The following PTPRD variants were observed in gnomAD, a reference collection of about 807,000 sequenced individuals.
The protein encoded by PTPRD is receptor-type tyrosine-protein phosphatase delta.
PTPRD carries 34 observed loss-of-function variants against 214.5 expected under a neutral mutation model. That is an observed-to-expected ratio of 0.16 (90% CI 0.12 to 0.21). The LOEUF (loss-of-function observed/expected upper bound fraction) is 0.21, where lower values mean the gene tolerates loss of function less well. PTPRD is among the 10% of genes least tolerant of loss of function. The pLI, the probability that PTPRD is intolerant of heterozygous loss-of-function variation, is 1.00. For missense variants in PTPRD, 2,545 were observed against 2,398.7 expected (o/e 1.06, Z -1.27); for synonymous variants, 1,128 against 845.7 (o/e 1.33, Z -5.79).
intron 8 of PTPRD, among the ~76,000 whole-genome samples, chr9:9,418,189 G>A (rs2077544973): frequency 6.6e-6 from 1 of 151,990 alleles, no homozygotes; most frequent in Non-Finnish European, 1.5e-5. Context: ...CTGGGTGCCT[G>A]GCAAAGTGTT....
intron 2 of PTPRD, among the ~76,000 whole-genome samples, chr9:10,467,999 C>A (rs898381421): frequency 9.9e-5 from 15 of 152,076 alleles, no homozygotes; most frequent in African/African-American, 3.4e-4. Flanking sequence ...AGTCAGGAAA[C>A]AACAGAGGCT....
chr9:8,886,226 T>A (rs1305667263), intron 11 of PTPRD, among the ~76,000 whole-genome samples: 3 of 152,282 alleles, frequency 2.0e-5, no homozygotes, highest in Non-Finnish European at 2.9e-5. Context: ...TTCATACAGA[T>A]GTTCAGTGTC....
chr9:9,677,810 C>T (rs972053279), intron 7 of PTPRD, among the ~76,000 whole-genome samples: 13 of 152,030 alleles, frequency 8.6e-5, no homozygotes, highest in African/African-American at 2.9e-4. Context: ...GATTGTATAT[C>T]TAGAAAACCC....
At chr9:10,186,943 G>T (rs954327263) in intron 3 of PTPRD, among the ~76,000 whole-genome samples, 1 of 152,114 alleles carries the variant, frequency 6.6e-6, no homozygotes, top group Admixed American at 6.5e-5. Context: ...CTTGAGAGCA[G>T]TAACAGTCCT....
intron 5 of PTPRD, among the ~76,000 whole-genome samples, chr9:9,828,101 C>T (rs1431634078): frequency 6.6e-6 from 1 of 152,098 alleles, no homozygotes; most frequent in African/African-American, 2.4e-5. Context: ...TGTGGCGATT[C>T]CTCAGGGATC....
At chr9:8,949,368 A>C (rs1290311351) in intron 11 of PTPRD, among the ~76,000 whole-genome samples, 1 of 152,170 alleles carries the variant, frequency 6.6e-6, no homozygotes, top group African/African-American at 2.4e-5. Context: ...ACCTAAAAAT[A>C]ACTTCCTTTC....
chr9:10,211,421 T>C (rs1457180857), intron 3 of PTPRD, among the ~76,000 whole-genome samples: 1 of 152,148 alleles, frequency 6.6e-6, no homozygotes, highest in Non-Finnish European at 1.5e-5. Context: ...ATGGTCACCT[T>C]GCACTAATCT....
intron 4 of PTPRD, among the ~76,000 whole-genome samples, chr9:9,969,236 T>C (rs768080816): frequency 2.5e-4 from 38 of 152,086 alleles, no homozygotes; most frequent in Non-Finnish European, 4.1e-4. Flanking sequence ...AGAAAAAGGC[T>C]AGGGTGGCTG....
At chr9:8,700,316 G>A (rs1316534633) in intron 12 of PTPRD, among the ~76,000 whole-genome samples, 1 of 152,154 alleles carries the variant, frequency 6.6e-6, no homozygotes, top group African/African-American at 2.4e-5. Context: ...ACTAAGAAGA[G>A]TAGTCAGCAT....
At chr9:10,363,596 C>T (rs1236088080) in intron 2 of PTPRD, among the ~76,000 whole-genome samples, 1 of 152,106 alleles carries the variant, frequency 6.6e-6, no homozygotes, top group Non-Finnish European at 1.5e-5. Flanking sequence ...GGATTAAACA[C>T]AAATCAACAC....
At chr9:9,279,347 T>C (rs1316812017) in intron 9 of PTPRD, among the ~76,000 whole-genome samples, 1 of 147,658 alleles carries the variant, frequency 6.8e-6, no homozygotes, top group African/African-American at 2.5e-5. Context: ...TAAATTTATA[T>C]ATATATATAT....
At chr9:9,680,856 A>T (rs1434456394) in intron 7 of PTPRD, among the ~76,000 whole-genome samples, 1 of 151,788 alleles carries the variant, frequency 6.6e-6, no homozygotes, top group Non-Finnish European at 1.5e-5. Context: ...GGGTGAGCTG[A>T]AGGAGCACAT....
At chr9:8,842,346 C>G (rs1331971408) in intron 11 of PTPRD, among the ~76,000 whole-genome samples, 1 of 149,914 alleles carries the variant, frequency 6.7e-6, no homozygotes, top group African/African-American at 2.5e-5. Flanking sequence ...TATTTTTTTT[C>G]TGTTTCTAAA....
Position 8,721,263 on chromosome 9 carries a change from C to G in PTPRD, c.64+12517G>C, listed in dbSNP as rs559048437. On this transcript the variant is annotated intron_variant, in intron 12 of 45. Transcript: ENST00000381196. ...GCCCAACATGGCAAAAACCCCATCC[C>G]TACTAATAATGCAAAAATTAGTCAG... is the stretch of plus-strand genomic sequence containing the variant. 2.9e-3 allele frequency among the ~76,000 whole-genome samples: 443 copies of G among 151,720 alleles called. 5 individuals carry two copies. Among genetic ancestry groups the G allele is most frequent in the African/African-American group, 0.01 (428 of 41,394 alleles).
chr9:10,462,921 G>A (rs2098968933), intron 2 of PTPRD, among the ~76,000 whole-genome samples: 1 of 149,886 alleles, frequency 6.7e-6, no homozygotes, highest in Middle Eastern at 3.3e-3. Context: ...AAAATTATTT[G>A]AAAAGAGAAC....
intron 3 of PTPRD, among the ~76,000 whole-genome samples, chr9:10,269,068 A>C (rs930730061): frequency 1.3e-5 from 2 of 152,142 alleles, no homozygotes; most frequent in Non-Finnish European, 2.9e-5. Flanking sequence ...TTTAAGAGGA[A>C]ACTAAAAGTT....
intron 11 of PTPRD, among the ~76,000 whole-genome samples, chr9:8,934,130 A>C (rs568122479): frequency 2.6e-5 from 4 of 152,012 alleles, no homozygotes; most frequent in Admixed American, 2.0e-4. Flanking sequence ...TGAACTGATA[A>C]GAGAGAAAGA....
intron 12 of PTPRD, among the ~76,000 whole-genome samples, chr9:8,677,051 A>G (rs2097437444): frequency 6.6e-6 from 1 of 152,172 alleles, no homozygotes; most frequent in Non-Finnish European, 1.5e-5. Flanking sequence ...ACATAATCAA[A>G]CGGCATTTTT....
At chr9:10,070,426 C>G (rs2097981675) in intron 3 of PTPRD, among the ~76,000 whole-genome samples, 1 of 151,974 alleles carries the variant, frequency 6.6e-6, no homozygotes, top group Non-Finnish European at 1.5e-5. Flanking sequence ...GGTTCAGCAT[C>G]TTTGTAGCAT....
Sources: allele counts gnomAD v4.1 joint callset (sites outside exome capture counted in the v4.1 genomes callset), GRCh38; gene constraint gnomAD v4.1.1; transcripts MANE v1.5; gene names NCBI Gene and HGNC (gene_info 2026-07-23, HGNC 2026-07-21).